The following MAP3K4 variants were observed in gnomAD, a reference collection of about 807,000 sequenced individuals.
The protein encoded by MAP3K4 is mitogen-activated protein kinase kinase kinase 4, also known as MAP three kinase 1.
MAP3K4 carries 67 observed loss-of-function variants against 185.6 expected under a neutral mutation model. The ratio of observed to expected loss-of-function variants is 0.36; its 90% confidence interval spans 0.30 to 0.44. The LOEUF (loss-of-function observed/expected upper bound fraction) is 0.44. Among genes scored for constraint, MAP3K4 ranks in the 20% least tolerant of loss-of-function variants. The pLI, the probability that MAP3K4 is intolerant of heterozygous loss-of-function variation, is 1.00. For synonymous variants in MAP3K4, 702 were observed against 710.4 expected (o/e 0.99, Z 0.19); for missense variants, 1,551 against 1,995.1 (o/e 0.78, Z 4.24).
At chr6:161,010,321 T>C (rs1354374499) in intron 1 of MAP3K4, among the ~76,000 whole-genome samples, 1 of 152,216 alleles carries the variant, frequency 6.6e-6, no homozygotes, top group East Asian at 1.9e-4. Context: ...TATCATATTT[T>C]TTGGTTTGTT....
In MAP3K4 at chr6:161,106,490, A is replaced by C. The variant is rs1778077812; in HGVS notation, c.3857-24A>C. 1 of 1,564,832 alleles carries C rather than the reference A, an allele frequency of 6.4e-7. No homozygotes were observed. On this transcript the variant is annotated intron_variant, in intron 19 of 26. Transcript: ENST00000392142. The surrounding 1 kb of genome is among the most constrained non-coding windows in gnomAD (Gnocchi z 4.9). ...GACTTGATAACAGTGATTGGGACTA[A>C]TGAGGTTTTGGTTCTCTCTGCAGAT...
chr6:161,050,056 T>G (rs138277631), intron 3 of MAP3K4, 77 bp downstream of exon 3: 1 of 1,379,448 alleles, frequency 7.2e-7, no homozygotes, highest in Non-Finnish European at 9.9e-7. Context: ...GTTGGTGTTA[T>G]GTACTTTCAT....
At chr6:161,029,509 A>T (rs1224627475) in intron 1 of MAP3K4, among the ~76,000 whole-genome samples, 1 of 152,238 alleles carries the variant, frequency 6.6e-6, no homozygotes, top group Non-Finnish European at 1.5e-5. Flanking sequence ...TAGTGTAATA[A>T]TAGTACTTTA....
At chr6:161,038,392 C>T (rs1000687563) in intron 2 of MAP3K4, among the ~76,000 whole-genome samples, 1 of 152,184 alleles carries the variant, frequency 6.6e-6, no homozygotes, top group African/African-American at 2.4e-5. Context: ...TATTGGCCCC[C>T]TCAGTATTTT....
At position 161,090,489 on chromosome 6, in the gene MAP3K4, G is replaced by A. The variant is rs569744514; in HGVS notation, c.2974-890G>A. ...GCTTCTCAGCCTCTTGGATGTGGAC[G>A]TTTGGGCCCGTAACTCTTGGTCGTG... On this transcript the variant is annotated intron_variant, in intron 11 of 26. Transcript: ENST00000392142. 2.7e-5 allele frequency among the ~76,000 whole-genome samples: 4 copies of A among 148,972 alleles called. 1 individual carries two copies. In the South Asian group the frequency reaches 8.7e-4, roughly 32 times the overall value.
In MAP3K4 at chr6:161,027,310, G is replaced by A. The variant is rs917223781; in HGVS notation, c.153-6949G>A. 6.6e-5 allele frequency among the ~76,000 whole-genome samples: 10 copies of A among 152,184 alleles called. No homozygotes were observed. In the East Asian group the frequency reaches 1.7e-3, roughly 26 times the overall value. ...CTATTTAGATCTTTACTTTTTAATT[G>A]TGATTGTGTAACTCAGTAGACTATT... On this transcript the variant is annotated intron_variant, in intron 1 of 26. Coordinates refer to ENST00000392142, the MANE Select transcript of MAP3K4 (RefSeq NM_005922.4).
At chr6:161,002,447 ATCT>A (rs1781366628) in intron 1 of MAP3K4, among the ~76,000 whole-genome samples, 1 of 152,172 alleles carries the variant, frequency 6.6e-6, no homozygotes, top group Non-Finnish European at 1.5e-5. Context: ...AGTGAGTGAA[ATCT>A]TCTCGCTTAA....
chr6:161,104,132 G>C (rs891734910), intron 19 of MAP3K4, among the ~76,000 whole-genome samples: 1 of 152,276 alleles, frequency 6.6e-6, no homozygotes. Flanking sequence ...TAAAGACCAA[G>C]GGCTGGGCAC....
intron 1 of MAP3K4, among the ~76,000 whole-genome samples, chr6:161,002,737 G>T (rs927628679): frequency 1.3e-5 from 2 of 151,610 alleles, no homozygotes; most frequent in African/African-American, 4.8e-5. Context: ...GACTACAGGC[G>T]CCTGCCACCA....
Position 161,101,834 on chromosome 6 carries a change from A to G in MAP3K4, c.3675-58A>G. ...TTATTGCTCTAGAAAAATCTCGCAGATCTTTCATTTTAAGTTCTATTGAAT... is the reference window on the plus strand; with the variant it reads ...TTATTGCTCTAGAAAAATCTCGCAGGTCTTTCATTTTAAGTTCTATTGAAT... On this transcript the variant is annotated intron_variant, in intron 17 of 26. Coordinates refer to ENST00000392142, the MANE Select transcript of MAP3K4 (RefSeq NM_005922.4). The surrounding 1 kb of genome is among the most constrained non-coding windows in gnomAD (Gnocchi z 5.1). 6.9e-7 allele frequency: 1 copy of G among 1,442,566 alleles called. No homozygotes were observed. Among genetic ancestry groups the G allele is most frequent in the Non-Finnish European group, 9.7e-7 (1 of 1,031,064 alleles). 89.4% of individuals were successfully genotyped at this position (1,442,566 alleles called of 1,614,324 possible).
At chr6:161,072,690 G>T (rs1562521173) in intron 4 of MAP3K4, among the ~76,000 whole-genome samples, 2 of 152,140 alleles carry the variant, frequency 1.3e-5, no homozygotes, top group African/African-American at 4.8e-5. Context: ...ATTAGCGGCA[G>T]TGAAGGTTTG....
At position 161,082,404 on chromosome 6, in the gene MAP3K4, C is replaced by A. The variant is rs1785499556; in HGVS notation, c.2255+1366C>A. 1.4e-5 allele frequency among the ~76,000 whole-genome samples: 2 copies of A among 144,902 alleles called. No individual in the cohort carries two copies. Among genetic ancestry groups the A allele is most frequent in the Non-Finnish European group, 3.0e-5 (2 of 66,906 alleles). ...TTCATGTTGTTTAGTGTCACTGTAC[C>A]CTCACTTCCTCTTGTCAGTCTTTGT... On this transcript the variant is annotated intron_variant, in intron 6 of 26. Transcript: ENST00000392142. This position sits in a 1 kb window ranked among gnomAD's most constrained non-coding sequence, Gnocchi z 4.2.
rs1010638274 is a variant in MAP3K4, at chr6:161,077,790, C to T, written c.2098-3091C>T. Among the ~76,000 whole-genome samples the T allele has an allele frequency of 6.6e-6, 1 of 152,030 alleles. No individual in the cohort carries two copies. Among genetic ancestry groups the T allele is most frequent in the East Asian group, 1.9e-4 (1 of 5,184 alleles). On this transcript the variant is annotated intron_variant, in intron 5 of 26. Transcript: ENST00000392142. This position sits in a 1 kb window ranked among gnomAD's most constrained non-coding sequence, Gnocchi z 4.3. Reference sequence around the variant, plus strand: ...TGTGTGAGTGGTGAAGATGTGAGTCCGGTGAGGAGTTTTAAATTGGGCTGA... The same window carrying T: ...TGTGTGAGTGGTGAAGATGTGAGTCTGGTGAGGAGTTTTAAATTGGGCTGA...
Position 160,992,015 on chromosome 6 carries a change from G to C in MAP3K4, c.84G>C (p.Pro28=). The C allele has an allele frequency of 1.3e-6, 2 of 1,531,514 alleles. No individual in the cohort carries two copies. The highest frequency in any genetic ancestry group is 1.8e-6 in the Non-Finnish European group (2 of 1,141,058). The allele number at this position is 1,531,514 out of a possible 1,614,324, so 94.9% of individuals were successfully genotyped here. A position where few individuals can be genotyped will look rare whatever the true frequency, so the allele number is the denominator to read the frequency against. The change falls in exon 1 of 27, where the codon CCG becomes CCC. Residue 28 remains proline, a synonymous_variant. Transcript: ENST00000392142. ...PAAAMEEPPP[P]PPPPPPPPEP... is the part of the protein sequence containing the mutation. ...CCGCCATGGAGGAGCCGCCGCCACC[G>C]CCGCCGCCGCCACCACCGCCACCGG...
Position 161,098,161 on chromosome 6 carries a change from T to G in MAP3K4, c.3525-117T>G. 1 of 1,182,042 alleles carries G rather than the reference T, an allele frequency of 8.5e-7. No homozygotes were observed. The highest frequency in any genetic ancestry group is 1.2e-6 in the Non-Finnish European group (1 of 847,118). The allele number at this position is 1,182,042 out of a possible 1,614,324, so 73.2% of individuals were successfully genotyped here. On this transcript the variant is annotated intron_variant, in intron 16 of 26. Transcript: ENST00000392142. This position sits in a 1 kb window ranked among gnomAD's most constrained non-coding sequence, Gnocchi z 4.4. ...CTCAAATCTCAAAGAACAATTTGCA[T>G]TTTATATTTTTAAATATATTTCACC...
intron 1 of MAP3K4, among the ~76,000 whole-genome samples, chr6:161,002,050 GTTTTTTT>G (rs77347524): frequency 1.8e-5 from 2 of 112,422 alleles, no homozygotes; most frequent in African/African-American, 6.9e-5. Context: ...TAAGAAAAAG[GTTTTTTT>G]TTTTTTTTTT....
intron 3 of MAP3K4, among the ~76,000 whole-genome samples, chr6:161,058,268 T>A (rs1784330081): frequency 1.3e-5 from 2 of 152,174 alleles, no homozygotes; most frequent in Admixed American, 1.3e-4. Flanking sequence ...AAATCCAGAT[T>A]TTGGGTTTTC....
chr6:161,098,352 T>TTGCTGC lies in MAP3K4; in HGVS notation c.3600_3605dup (p.Ala1201_Ala1202dup). The TTGCTGC allele has an allele frequency of 6.2e-7, 1 of 1,605,896 alleles. No homozygotes were observed. The highest frequency in any genetic ancestry group is 8.5e-7 in the Non-Finnish European group (1 of 1,175,550). ...GCTGCTGCTGCTGCTGCTGCTGCTG[T>TTGCTGC]TGCTGCCAGTCGGCCCAGCCCCTCT... On this transcript the variant is annotated inframe_insertion, in exon 17 of 27. Coordinates refer to ENST00000392142, the MANE Select transcript of MAP3K4 (RefSeq NM_005922.4). This position sits in a 1 kb window ranked among gnomAD's most constrained non-coding sequence, Gnocchi z 4.4.
rs1422536157 is a variant in MAP3K4, at chr6:161,084,314, A to T, written c.2256-187A>T. Among the ~76,000 whole-genome samples, 1 of 152,250 alleles carries T rather than the reference A, an allele frequency of 6.6e-6. No homozygotes were observed. The highest frequency in any genetic ancestry group is 1.9e-4 in the East Asian group (1 of 5,200). ...CTGTGGTAGTAGAACAAAGGTAGGT[A>T]CATGTCATAATCCAGATTCCTATTT... On this transcript the variant is annotated intron_variant, in intron 6 of 26. Coordinates refer to ENST00000392142, the MANE Select transcript of MAP3K4 (RefSeq NM_005922.4). The surrounding 1 kb of genome is among the most constrained non-coding windows in gnomAD (Gnocchi z 4.6).
Sources: gnomAD v4.1 joint callset for allele counts (sites outside exome capture counted in the v4.1 genomes callset) on GRCh38, gnomAD v4.1.1 for gene constraint, Gnocchi (gnomAD v3.1) non-coding constraint, MANE v1.5 for transcripts, NCBI Gene and HGNC (gene_info 2026-07-23, HGNC 2026-07-21) for gene names.